Variants in EBAG9 observed in about 807,000 individuals in gnomAD.
EBAG9 encodes receptor-binding cancer antigen expressed on SiSo cells.
EBAG9 carries 16 observed loss-of-function variants against 30.9 expected under a neutral mutation model. The observed-to-expected ratio is 0.52, with a 90% CI of 0.35 to 0.79. The LOEUF (loss-of-function observed/expected upper bound fraction) is 0.79. Among genes scored for constraint, EBAG9 ranks in the 30% least tolerant of loss-of-function variants. The probability of loss-of-function intolerance (pLI) is 0.01; values close to 1 mark genes in which losing one functional copy is unlikely to be tolerated. For missense variants in EBAG9, 197 were observed against 242.1 expected (o/e 0.81, Z 1.24); for synonymous variants, 93 against 82.8 (o/e 1.12, Z -0.67).
intron 6 of EBAG9, among the ~76,000 whole-genome samples, chr8:109,562,978 T>A (rs1821740296): frequency 6.6e-6 from 1 of 152,092 alleles, no homozygotes; most frequent in Non-Finnish European, 1.5e-5. Flanking sequence ...GTTATCTTAC[T>A]TGTTTATAAC....
rs546633974 is a variant in EBAG9, at chr8:109,555,186, A to G, written c.321+299A>G. Among the ~76,000 whole-genome samples, 54 of 147,142 alleles carry G rather than the reference A, an allele frequency of 3.7e-4. 1 individual carries two copies. The highest frequency in any genetic ancestry group is 1.4e-3 in the African/African-American group (54 of 39,380). The stretch of plus-strand genomic sequence containing the variant: ...GTATGATGTTCCCCTTCCTATGTCC[A>G]TGTGTTCTCATTGTTCAGTTCCCAC... On this transcript the variant is annotated intron_variant, in intron 4 of 6. Transcript: ENST00000337573.
At chr8:109,562,190 CAAAG>C (rs888442342) in intron 6 of EBAG9, among the ~76,000 whole-genome samples, 4 of 152,018 alleles carry the variant, frequency 2.6e-5, no homozygotes, top group East Asian at 1.9e-4. Context: ...ACCACAAAGA[CAAAG>C]GAAGGGGTCT....
rs1353971447 is a variant in EBAG9 at position 109,540,337 on chromosome 8, C to T, written c.-140C>T. ...GTACCTCTCCAGGCCGATTTTTCCA[C>T]AATTTAAATCTCAGTTCACCTGGTA... On this transcript the variant is annotated 5_prime_UTR_variant, in exon 1 of 7. Coordinates refer to ENST00000337573, the MANE Select transcript of EBAG9 (RefSeq NM_004215.5). 1 of 152,214 alleles carries T rather than the reference C, an allele frequency of 6.6e-6. No homozygotes were observed. Among genetic ancestry groups the T allele is most frequent in the African/African-American group, 2.4e-5 (1 of 41,440 alleles). 9.4% of individuals were successfully genotyped at this position (152,214 alleles called of 1,614,324 possible).
chr8:109,563,389 C>A (rs779864068), intron 6 of EBAG9: 90 of 1,596,214 alleles, frequency 5.6e-5, no homozygotes, highest in Non-Finnish European at 7.2e-5. Context: ...CACACCCTAA[C>A]CCTTCAGATC....
chr8:109,561,742 A>G (rs567387627), intron 6 of EBAG9, among the ~76,000 whole-genome samples: 1 of 152,194 alleles, frequency 6.6e-6, no homozygotes, highest in South Asian at 2.1e-4. Context: ...ATCTGACTCA[A>G]CAAAAAAACT....
At chr8:109,552,071 G>A (rs1025373098) in intron 2 of EBAG9, among the ~76,000 whole-genome samples, 2 of 151,938 alleles carry the variant, frequency 1.3e-5, no homozygotes, top group African/African-American at 4.8e-5. Context: ...ACAGCAATCA[G>A]CTCTTTTTTT....
At chr8:109,551,027 T>A in intron 2 of EBAG9, 120 bp downstream of exon 2, 1 of 622,652 alleles carries the variant, frequency 1.6e-6, no homozygotes. Flanking sequence ...TTGATTGCAG[T>A]ATTTATTCAT....
chr8:109,561,215 TTATATA>T (rs140792246), intron 6 of EBAG9, among the ~76,000 whole-genome samples: 12 of 148,928 alleles, frequency 8.1e-5, no homozygotes, highest in African/African-American at 2.7e-4. Flanking sequence ...TATATATGTT[TTATATA>T]TATATATATA....
intron 5 of EBAG9, chr8:109,557,850 C>G (rs991019586): frequency 2.0e-4 from 68 of 335,118 alleles, no homozygotes; most frequent in Non-Finnish European, 7.4e-5. Flanking sequence ...CACAAAGCCT[C>G]AGTTCCTTGC....
At position 109,553,750 on chromosome 8, in the gene EBAG9, A is replaced by G. The variant is rs962957409; in HGVS notation, c.84-115A>G. On this transcript the variant is annotated intron_variant, in intron 2 of 6. Transcript: ENST00000337573. ...TGAGTAACTGTTACTAAAATCAATA[A>G]TCATAAAATTGAGAAAGATCTTGTT... The G allele has an allele frequency of 2.6e-5, 20 of 761,662 alleles. No homozygotes were observed. In the African/African-American group the frequency reaches 3.3e-4, roughly 13 times the overall value. 47.2% of individuals were successfully genotyped at this position (761,662 alleles called of 1,614,324 possible).
intron 1 of EBAG9, chr8:109,540,745 A>G (rs1821256872): frequency 6.6e-6 from 1 of 152,162 alleles, no homozygotes; most frequent in Non-Finnish European, 1.5e-5. Flanking sequence ...GGTAAATTTT[A>G]TTTTGGGAGC....
intron 6 of EBAG9, 75 bp downstream of exon 6, chr8:109,561,004 G>T: frequency 7.6e-7 from 1 of 1,307,428 alleles, no homozygotes; most frequent in East Asian, 2.5e-5. Flanking sequence ...CAAGTCAAGG[G>T]AGCCTATTTT....
At chr8:109,549,334 A>T (rs182596363) in intron 1 of EBAG9, among the ~76,000 whole-genome samples, 2 of 152,116 alleles carry the variant, frequency 1.3e-5, no homozygotes, top group East Asian at 1.9e-4. Flanking sequence ...GTCTAGATTC[A>T]TAGAATATTA....
chr8:109,563,284 T>G (rs972220741), intron 6 of EBAG9: 3 of 1,164,202 alleles, frequency 2.6e-6, no homozygotes, highest in Non-Finnish European at 3.7e-6. Flanking sequence ...TAATCCACTT[T>G]GGATTTTTCT....
chr8:109,542,656 G>A (rs985272559), intron 1 of EBAG9, among the ~76,000 whole-genome samples: 1 of 151,866 alleles, frequency 6.6e-6, no homozygotes, highest in Non-Finnish European at 1.5e-5. Context: ...TTTTGTTCTT[G>A]ACAAATCAGC....
At chr8:109,541,734 C>T (rs973176162) in intron 1 of EBAG9, among the ~76,000 whole-genome samples, 3 of 152,118 alleles carry the variant, frequency 2.0e-5, no homozygotes, top group Admixed American at 2.0e-4. Flanking sequence ...TTTCCCCATG[C>T]GGAGTTGGTA....
chr8:109,541,696 C>T (rs1821278988), intron 1 of EBAG9, among the ~76,000 whole-genome samples: 1 of 152,176 alleles, frequency 6.6e-6, no homozygotes, highest in South Asian at 2.1e-4. Flanking sequence ...TATGGGCAAG[C>T]TCATGACAAC....
chr8:109,544,163 A>G (rs1166652523), intron 1 of EBAG9, among the ~76,000 whole-genome samples: 1 of 152,196 alleles, frequency 6.6e-6, no homozygotes, highest in African/African-American at 2.4e-5. Context: ...AAAACTAATT[A>G]ACATTTCAAT....
intron 6 of EBAG9, 87 bp from the exon 7 acceptor site, chr8:109,564,352 A>T (rs1426717909): frequency 6.6e-7 from 1 of 1,505,300 alleles, no homozygotes. Flanking sequence ...TGGTGATAAT[A>T]AAAAGGCACT....
Sources: gnomAD v4.1 joint callset for allele counts (sites outside exome capture counted in the v4.1 genomes callset) on GRCh38, gnomAD v4.1.1 for gene constraint, MANE v1.5 for transcripts, NCBI Gene and HGNC (gene_info 2026-07-23, HGNC 2026-07-21) for gene names.